CES5A: variants seen among roughly 807,000 people sequenced by gnomAD.
CES5A encodes carboxylesterase 5A.
A neutral mutation model predicts 62.9 loss-of-function variants in CES5A; 67 were observed. The observed-to-expected ratio is 1.07, with a 90% CI of 0.88 to 1.31. CES5A has a LOEUF of 1.31. CES5A is among the 50% of genes most tolerant of loss of function. The pLI, the probability that CES5A is intolerant of heterozygous loss-of-function variation, is 0.00. For synonymous variants in CES5A, 296 were observed against 280.8 expected, an observed-to-expected ratio of 1.05 and a Z score of -0.54; for missense variants, 748 against 708.5, an observed-to-expected ratio of 1.06 and a Z score of -0.63.
chr16:55,851,459 G>A (rs1409803928), intron 10 of CES5A, among the ~76,000 whole-genome samples: 23 of 152,202 alleles, frequency 1.5e-4, no homozygotes, highest in African/African-American at 5.1e-4. Flanking sequence ...AAACCCATTA[G>A]AATAGTCATT....
intron 1 of CES5A, among the ~76,000 whole-genome samples, chr16:55,919,671 GA>G (rs2034182393): frequency 6.6e-6 from 1 of 152,120 alleles, no homozygotes; most frequent in Admixed American, 6.5e-5. Flanking sequence ...GAAAAATCTA[GA>G]AAAATCACTA....
chr16:55,903,665 G>A (rs2034012344), intron 1 of CES5A, among the ~76,000 whole-genome samples: 1 of 152,218 alleles, frequency 6.6e-6, no homozygotes, highest in South Asian at 2.1e-4. Context: ...TGAGGGAGAA[G>A]CACTGCTGAG....
At chr16:55,848,793 A>C (rs1349123961) in intron 11 of CES5A, among the ~76,000 whole-genome samples, 1 of 152,234 alleles carries the variant, frequency 6.6e-6, no homozygotes, top group East Asian at 1.9e-4. Context: ...GTATGGGCTC[A>C]GGAATGGTTG....
At chr16:55,949,634 G>A in intron 2 of CES5A, 1 of 392,822 alleles carries the variant, frequency 2.5e-6, no homozygotes, top group East Asian at 3.8e-5. Flanking sequence ...CCAGAGGTGA[G>A]GCAGGATAAG....
intron 6 of CES5A, among the ~76,000 whole-genome samples, chr16:55,862,377 A>G (rs1424388307): frequency 1.3e-5 from 2 of 152,176 alleles, no homozygotes; most frequent in Non-Finnish European, 2.9e-5. Flanking sequence ...AAACCTATCC[A>G]TGGATTGCAG....
chr16:55,875,366 A>G lies in CES5A; in HGVS notation c.-145T>C. The G allele has an allele frequency of 1.4e-6, 2 of 1,443,406 alleles. No homozygotes were observed. Among genetic ancestry groups the G allele is most frequent in the Non-Finnish European group, 1.8e-6 (2 of 1,102,494 alleles). The allele number at this position is 1,443,406 out of a possible 1,614,324, so 89.4% of individuals were successfully genotyped here. ...AGCAGAGTTACTGAAGATCAGCATC[A>G]GAACAATATTCTCAAAGGAATTGAC... is the stretch of plus-strand genomic sequence containing the variant. On this transcript the variant is annotated 5_prime_UTR_variant, in exon 1 of 13. Coordinates refer to ENST00000290567, the MANE Select transcript of CES5A (RefSeq NM_001143685.2).
chr16:55,900,670 G>T (rs1252916446), intron 1 of CES5A, among the ~76,000 whole-genome samples: 1 of 152,238 alleles, frequency 6.6e-6, no homozygotes, highest in Admixed American at 6.5e-5. Context: ...TTGTCCAGAG[G>T]GAAAAAAGCA....
rs374603380 is a variant in CES5A, at chr16:55,861,366, G to A, written c.915+46C>T. The stretch of plus-strand genomic sequence containing the variant: ...AGGGGTAGGATTTGTTCATCTCTCC[G>A]TTCGAAGGGCAAGCCTGCCCCCAAA... On this transcript the variant is annotated intron_variant, in intron 7 of 12. Transcript: ENST00000290567. 1.1e-4 allele frequency: 115 copies of A among 1,046,666 alleles called. 1 individual carries two copies. The highest frequency in any genetic ancestry group is 7.9e-4 in the South Asian group (61 of 77,500). 64.8% of individuals were successfully genotyped at this position (1,046,666 alleles called of 1,614,324 possible). A position where few individuals can be genotyped will look rare whatever the true frequency, so the allele number is the denominator to read the frequency against.
chr16:55,865,360 T>C (rs759754062), intron 5 of CES5A, among the ~76,000 whole-genome samples: 7 of 152,178 alleles, frequency 4.6e-5, no homozygotes, highest in Non-Finnish European at 1.0e-4. Context: ...AGGAGTAAAA[T>C]ATTTGCAGGA....
chr16:55,918,681 A>T (rs2034171577), intron 1 of CES5A, among the ~76,000 whole-genome samples: 1 of 152,222 alleles, frequency 6.6e-6, no homozygotes, highest in African/African-American at 2.4e-5. Flanking sequence ...CTTACAGATA[A>T]GCAAGCAAAT....
At chr16:55,908,088 A>G (rs2034056438) in intron 1 of CES5A, among the ~76,000 whole-genome samples, 1 of 152,100 alleles carries the variant, frequency 6.6e-6, no homozygotes, top group Non-Finnish European at 1.5e-5. Flanking sequence ...GGTATTGAAG[A>G]ACCATCTCCT....
chr16:55,856,251 A>C (rs1179887606), intron 9 of CES5A, 126 bp downstream of exon 9: 12 of 782,134 alleles, frequency 1.5e-5, no homozygotes, highest in African/African-American at 1.4e-4. Context: ...TGCTTAGTAA[A>C]GGTCTATTGA....
intron 1 of CES5A, among the ~76,000 whole-genome samples, chr16:55,896,628 TGG>T (rs1254786324): frequency 6.6e-6 from 1 of 152,226 alleles, no homozygotes; most frequent in Non-Finnish European, 1.5e-5. Context: ...GGGGTAAGGC[TGG>T]GGCCAGAACC....
rs144185442 is a variant in CES5A at position 55,955,263 on chromosome 16, G to A, written c.42+581C>T. Among the ~76,000 whole-genome samples the A allele has an allele frequency of 1.5e-3, 222 of 152,092 alleles. 1 individual carries two copies. Among genetic ancestry groups the A allele is most frequent in the African/African-American group, 5.0e-3 (208 of 41,484 alleles). On this transcript the variant is annotated intron_variant, in intron 1 of 13. Coordinates refer to the CES5A transcript ENST00000521992. ...AACTTCTTTAAAAGGAAGCCAAGTA[G>A]GGCTGTTAGTTTCCTGTTGAGTCAA... is the stretch of plus-strand genomic sequence containing the variant.
At chr16:55,902,241 G>A (rs2033997139) in intron 1 of CES5A, among the ~76,000 whole-genome samples, 1 of 152,170 alleles carries the variant, frequency 6.6e-6, no homozygotes, top group Admixed American at 6.5e-5. Context: ...ATTTGAGGAG[G>A]CTGTGATCCA....
chr16:55,870,498 C>G lies in CES5A; in HGVS notation c.418-754G>C, dbSNP rs537071355. ...GGTGGATTGCCTGAGCTCAGGAGTT[C>G]AAGACCACCCTGGGCAATATGGTGA... On this transcript the variant is annotated intron_variant, in intron 3 of 12. Coordinates refer to ENST00000290567, the MANE Select transcript of CES5A (RefSeq NM_001143685.2). Among the ~76,000 whole-genome samples the G allele has an allele frequency of 3.9e-3, 595 of 152,216 alleles. 3 individuals are homozygous for G. The Middle Eastern group carries it at 0.044, about 11-fold the overall frequency.
intron 1 of CES5A, among the ~76,000 whole-genome samples, chr16:55,950,399 G>A (rs1779699489): frequency 6.6e-6 from 1 of 152,052 alleles, no homozygotes; most frequent in African/African-American, 2.4e-5. Flanking sequence ...CTCATGCAAG[G>A]GAATGTAGCA....
chr16:55,927,627 G>T (rs755156448), upstream of CES5A, among the ~76,000 whole-genome samples: 3 of 152,162 alleles, frequency 2.0e-5, no homozygotes, highest in Non-Finnish European at 4.4e-5. Flanking sequence ...ATAGATGTTG[G>T]TGTGGATGCA....
chr16:55,950,249 C>T (rs1235414416), intron 1 of CES5A, among the ~76,000 whole-genome samples: 2 of 152,004 alleles, frequency 1.3e-5, no homozygotes, highest in African/African-American at 2.4e-5. Context: ...AAATCAACCT[C>T]GTGAAAGAAA....
Sources: gnomAD v4.1 joint callset for allele counts (sites outside exome capture counted in the v4.1 genomes callset) on GRCh38, gnomAD v4.1.1 for gene constraint, MANE v1.5 for transcripts, NCBI Gene and HGNC (gene_info 2026-07-23, HGNC 2026-07-21) for gene names.